Variants in TRIM43 observed in about 807,000 individuals in gnomAD.
TRIM43 encodes tripartite motif-containing protein 43.
A neutral mutation model predicts 27.7 loss-of-function variants in TRIM43; 12 were observed. The ratio of observed to expected loss-of-function variants is 0.43; its 90% CI spans 0.28 to 0.70. The LOEUF is 0.70. Ranked by LOEUF, TRIM43 falls within the 30% of genes least tolerant of loss-of-function variation. The pLI is 0.17. For synonymous variants in TRIM43, 64 were observed against 121.9 expected (o/e 0.52, Z 3.13); for missense variants, 186 against 356.5 (o/e 0.52, Z 3.85).
intron 2 of TRIM43, among the ~76,000 whole-genome samples, chr2:95,594,789 T>C (rs1315016720): frequency 1.3e-5 from 2 of 151,324 alleles, no homozygotes; most frequent in Non-Finnish European, 2.9e-5. Context: ...GGGGCTAGCA[T>C]AGTGGGTTCT....
chr2:95,592,526 G>A (rs894620826), intron 1 of TRIM43, among the ~76,000 whole-genome samples: 2 of 151,152 alleles, frequency 1.3e-5, no homozygotes, highest in Non-Finnish European at 2.9e-5. Context: ...CTGCCACCAC[G>A]CCCAGCTAAT....
rs1216299314 is a variant in TRIM43 at position 95,596,360 on chromosome 2, G to C, written c.666G>C (p.Lys222Asn). Residue 222 changes from lysine (K) to asparagine (N), a missense_variant, in exon 4 of 7, where the codon AAG becomes AAC. Lys to Asn is a moderately conservative substitution (Grantham distance 94, BLOSUM62 0). Coordinates refer to ENST00000272395, the MANE Select transcript of TRIM43 (RefSeq NM_138800.3). ...GAAGTTGGGTCAAAATGGATCAAAA[G>C]AGTAAACACTTGAAAGAAATGTATC... ...LQRSWVKMDQ[K>N]SKHLKEMYQE... 1 of 1,606,474 alleles carries C rather than the reference G, an allele frequency of 6.2e-7. No homozygotes were observed. Among genetic ancestry groups the C allele is most frequent in the Non-Finnish European group, 8.5e-7 (1 of 1,175,814 alleles).
rs373190863 is a variant in TRIM43 at position 95,594,249 on chromosome 2, A to G, written c.226A>G (p.Ile76Val). The G allele has an allele frequency of 2.9e-5, 46 of 1,608,480 alleles. No homozygotes were observed. In the East Asian group the frequency reaches 3.8e-4, roughly 13 times the overall value. ...TATTCTTCTGAAGAATTTAGTGACC[A>G]TTGCCAGAAAAGCCAGTCTCTGGCA... Reference protein sequence around the residue: ...TNILLKNLVTIARKASLWQFL... With the variant: ...TNILLKNLVTVARKASLWQFL... The change falls in exon 2 of 7, where the codon ATT (isoleucine) becomes GTT (valine). Residue 76 changes from isoleucine to valine, a missense_variant. Ile to Val is a conservative substitution (Grantham distance 29). This residue lies in a region of TRIM43 where 29 missense variants were observed against 78.7 expected (regional missense o/e 0.37). Transcript: ENST00000272395.
Position 95,594,486 on chromosome 2 carries a change from G to C in TRIM43, c.411+52G>C, listed in dbSNP as rs1340536121. On this transcript the variant is annotated intron_variant, in intron 2 of 6. Coordinates refer to ENST00000272395, the MANE Select transcript of TRIM43 (RefSeq NM_138800.3). ...AAAGCTGGAGGGTGGCAGAGTTAAA[G>C]ATATTAGAAGGATGATGAGAATCAT... 7 of 1,592,838 alleles carry C rather than the reference G, an allele frequency of 4.4e-6. No homozygotes were observed. In the African/African-American group the frequency reaches 8.1e-5, roughly 18 times the overall value.
At chr2:95,594,932 G>T (rs1573642089) in intron 2 of TRIM43, 118 bp from the exon 3 acceptor site, 1 of 1,043,348 alleles carries the variant, frequency 9.6e-7, no homozygotes, top group Non-Finnish European at 1.3e-6. Flanking sequence ...GAAAAATTTT[G>T]TTTTTTTCTC....
chr2:95,595,798 C>T (rs1265140188), intron 3 of TRIM43, among the ~76,000 whole-genome samples: 1 of 151,250 alleles, frequency 6.6e-6, no homozygotes, highest in Admixed American at 6.6e-5. Context: ...AAATTTTTTA[C>T]TAAGATCCTT....
intron 1 of TRIM43, 78 bp downstream of exon 1, chr2:95,592,227 C>T (rs1321316110): frequency 1.3e-5 from 2 of 151,844 alleles, no homozygotes; most frequent in Non-Finnish European, 2.9e-5. Flanking sequence ...TTTAATTTAT[C>T]TGCAAACTTA....
chr2:95,595,159 C>T lies in TRIM43; in HGVS notation c.507+14C>T, dbSNP rs143902758. The T allele has an allele frequency of 7.1e-3, 11,375 of 1,599,950 alleles. 692 individuals carry two copies. The Admixed American group carries it at 0.11, about 16-fold the overall frequency. ...TTCCTCTGGAGGGTAAGTATGAGAC[C>T]GTGAGTCCTCCTGACCAGCTTGAGA... On this transcript the variant is annotated intron_variant, in intron 3 of 6. Transcript: ENST00000272395.
intron 1 of TRIM43, among the ~76,000 whole-genome samples, chr2:95,593,392 T>G (rs1211944620): frequency 7.4e-6 from 1 of 135,684 alleles, no homozygotes; most frequent in Non-Finnish European, 1.7e-5. Context: ...AGAAAGTTTT[T>G]GTTGATTAAA....
At position 95,596,429 on chromosome 2, in the gene TRIM43, C is replaced by T; in HGVS notation, c.735C>T (p.Leu245=). The change falls in exon 4 of 7, where the codon CTC becomes CTT. Residue 245 remains leucine (L), a synonymous_variant. Transcript: ENST00000272395. ...GTCATAAACCAGATGTGGAGCTGCT[C>T]CAGGTAAGAATGGAGGATGCCCCTT... ...EMCHKPDVEL[L]QDLGDIVARS... 3 of 1,598,644 alleles carry T rather than the reference C, an allele frequency of 1.9e-6. No homozygotes were observed. Among genetic ancestry groups the T allele is most frequent in the Non-Finnish European group, 2.6e-6 (3 of 1,170,700 alleles).
rs570018956 is a variant in TRIM43 at position 95,595,501 on chromosome 2, G to C, written c.507+356G>C. 5.9e-3 allele frequency among the ~76,000 whole-genome samples: 887 copies of C among 151,544 alleles called. 12 individuals are homozygous for C. Among genetic ancestry groups the C allele is most frequent in the Admixed American group, 9.0e-3 (137 of 15,228 alleles). ...ATATTGTCCAGGGGGAAGAAATCGG[G>C]TGGGAACAGTAATTTAAGAAATGTG... On this transcript the variant is annotated intron_variant, in intron 3 of 6. Transcript: ENST00000272395.
At chr2:95,592,457 C>G (rs547552412) in intron 1 of TRIM43, among the ~76,000 whole-genome samples, 1 of 151,794 alleles carries the variant, frequency 6.6e-6, no homozygotes, top group East Asian at 1.9e-4. Context: ...CAACCTCCGC[C>G]TTCCAGGTTC....
rs779898221 is a variant in TRIM43, at chr2:95,594,124, T to G, written c.101T>G (p.Phe34Cys). 6.2e-7 allele frequency: 1 copy of G among 1,612,946 alleles called. No homozygotes were observed. Among genetic ancestry groups the G allele is most frequent in the East Asian group, 2.2e-5 (1 of 44,850 alleles). ...DPVTICCGHS[F>C]CRPCLCLSWE... is the part of the protein sequence containing the mutation. ...GTCACCATCTGCTGTGGGCACAGCT[T>G]CTGTAGGCCCTGTCTCTGCCTTTCG... Residue 34 changes from phenylalanine (F) to cysteine (C), a missense_variant, in exon 2 of 7, where the codon TTC becomes TGC. Transcript: ENST00000272395.
rs767080723 is a variant in TRIM43, at chr2:95,595,042, T to G, written c.412-8T>G. On this transcript the variant is annotated splice_polypyrimidine_tract_variant and splice_region_variant and intron_variant, in intron 2 of 6. Transcript: ENST00000272395. ...TTTCTGTTGTTCAACCTTGTAATTCTTTTGCAGGAGAAACTCTTAAAGCAA... is the reference window on the plus strand; with the variant it reads ...TTTCTGTTGTTCAACCTTGTAATTCGTTTGCAGGAGAAACTCTTAAAGCAA... 5.3e-5 allele frequency: 85 copies of G among 1,607,414 alleles called. 3 individuals carry two copies. In the African/African-American group the frequency reaches 1.1e-3, roughly 20 times the overall value.
At chr2:95,592,293 C>T (rs1419303893) in intron 1 of TRIM43, 144 bp downstream of exon 1, 1 of 151,690 alleles carries the variant, frequency 6.6e-6, no homozygotes, top group Non-Finnish European at 1.5e-5. Context: ...GGCTCCATTT[C>T]TTTTTTAAAA....
Position 95,595,220 on chromosome 2 carries a change from G to A in TRIM43, c.507+75G>A. On this transcript the variant is annotated intron_variant, in intron 3 of 6. Transcript: ENST00000272395. ...GACAACATTTATATTAGCAACTTGAGTTGAAATTCTTATGCCAGATTTTGT... is the reference window on the plus strand; with the variant it reads ...GACAACATTTATATTAGCAACTTGAATTGAAATTCTTATGCCAGATTTTGT... 2.9e-6 allele frequency: 3 copies of A among 1,031,998 alleles called. No individual in the cohort carries two copies. In the South Asian group the frequency reaches 5.4e-5, roughly 18 times the overall value. The allele number at this position is 1,031,998 out of a possible 1,614,324, so 63.9% of individuals were successfully genotyped here. A position where few individuals can be genotyped will look rare whatever the true frequency, so the allele number is the denominator to read the frequency against.
Position 95,594,090 on chromosome 2 carries a change from G to A in TRIM43, c.67G>A (p.Val23Ile), listed in dbSNP as rs1290883032. The A allele has an allele frequency of 6.2e-7, 1 of 1,612,878 alleles. No homozygotes were observed. Among genetic ancestry groups the A allele is most frequent in the South Asian group, 1.1e-5 (1 of 91,008 alleles). The change falls in exon 2 of 7, where the codon GTA becomes ATA. Residue 23 changes from valine to isoleucine, a missense_variant. By Grantham distance (29) the Val-to-Ile change is conservative (BLOSUM62 3). Coordinates refer to ENST00000272395, the MANE Select transcript of TRIM43 (RefSeq NM_138800.3). ...CTGCGTCATCTGTTTGAACTACCTG[G>A]TAGACCCTGTCACCATCTGCTGTGG... ...LTCVICLNYL[V>I]DPVTICCGHS...
chr2:95,592,886 C>A (rs1029410449), intron 1 of TRIM43, among the ~76,000 whole-genome samples: 3 of 150,798 alleles, frequency 2.0e-5, no homozygotes, highest in African/African-American at 7.3e-5. Context: ...CTGTCTAGTG[C>A]CTAGTTTTTG....
At position 95,594,149 on chromosome 2, in the gene TRIM43, G is replaced by A. The variant is rs772054328; in HGVS notation, c.126G>A (p.Ser42=). 1.9e-5 allele frequency: 30 copies of A among 1,612,340 alleles called. 1 individual carries two copies. Among genetic ancestry groups the A allele is most frequent in the Admixed American group, 1.2e-4 (7 of 59,914 alleles). Residue 42 remains serine (S), a synonymous_variant, in exon 2 of 7, where the codon TCG becomes TCA. Coordinates refer to ENST00000272395, the MANE Select transcript of TRIM43 (RefSeq NM_138800.3). ...TCTGTAGGCCCTGTCTCTGCCTTTCGTGGGAGGAAGCCCAAAGTCCTGCAA... is the reference window on the plus strand; with the variant it reads ...TCTGTAGGCCCTGTCTCTGCCTTTCATGGGAGGAAGCCCAAAGTCCTGCAA... The part of the protein sequence containing the change: ...HSFCRPCLCL[S]WEEAQSPANC...
Sources: gnomAD v4.1 joint callset for allele counts (sites outside exome capture counted in the v4.1 genomes callset) on GRCh38, gnomAD v4.1.1 for gene constraint, gnomAD v4.1.1 regional missense constraint, MANE v1.5 for transcripts, NCBI Gene and HGNC (gene_info 2026-07-23, HGNC 2026-07-21) for gene names.